Variants in SMARCC1 observed in about 807,000 individuals in gnomAD.
SMARCC1 encodes the protein SWI/SNF complex subunit SMARCC1.
In SMARCC1, 43 loss-of-function variants were observed where a neutral mutation model predicts 147.4. The ratio of observed to expected loss-of-function variants is 0.29; its 90% CI spans 0.23 to 0.38. The LOEUF is 0.38. Ranked by LOEUF, SMARCC1 falls within the 10% of genes least tolerant of loss-of-function variation. The probability of loss-of-function intolerance (pLI) is 1.00; values close to 1 mark genes in which losing one functional copy is unlikely to be tolerated. For synonymous variants in SMARCC1, 495 were observed against 484.4 expected, an observed-to-expected ratio of 1.02 and a Z score of -0.29; for missense variants, 1,119 against 1,381.1, an observed-to-expected ratio of 0.81 and a Z score of 3.01.
chr3:47,710,735 T>G lies in SMARCC1; in HGVS notation c.866A>C (p.Glu289Ala). ...ACGAAAACTCACAGGCTTCCTATTT[T>G]CATCCACCTCATAATCCTCCTCATT... is the stretch of plus-strand genomic sequence containing the variant. ...WMNEEDYEVD[E>A]NRKPVSFRQR... The change falls in exon 9 of 28, where the codon GAA (glutamate) becomes GCA (alanine). Residue 289 changes from glutamate (E) to alanine (A), a missense_variant. Physicochemically the swap from Glu to Ala is moderately radical, Grantham distance 107. This residue lies in a region of SMARCC1 where 542 missense variants were observed against 611.8 expected (regional missense o/e 0.89). Coordinates refer to ENST00000254480, the MANE Select transcript of SMARCC1 (RefSeq NM_003074.4). The G allele has an allele frequency of 6.2e-7, 1 of 1,613,632 alleles. No individual in the cohort carries two copies. Among genetic ancestry groups the G allele is most frequent in the Non-Finnish European group, 8.5e-7 (1 of 1,179,680 alleles).
chr3:47,614,774 C>T (rs2032613903), intron 25 of SMARCC1, among the ~76,000 whole-genome samples: 1 of 152,144 alleles, frequency 6.6e-6, no homozygotes, highest in African/African-American at 2.4e-5. Context: ...CAGAGTGATC[C>T]CTGATAAACT....
chr3:47,781,475 C>A (rs1043048865), intron 1 of SMARCC1, 128 bp downstream of exon 1: 49 of 563,354 alleles, frequency 8.7e-5, no homozygotes, highest in Admixed American at 9.2e-5. Context: ...GCGTGGCGGG[C>A]CCGGCGCCTG....
At chr3:47,648,413 G>C (rs2033145573) in intron 21 of SMARCC1, among the ~76,000 whole-genome samples, 1 of 152,004 alleles carries the variant, frequency 6.6e-6, no homozygotes, top group South Asian at 2.1e-4. Context: ...AAGAGACAGA[G>C]TCTTGTTCTG....
intron 26 of SMARCC1, among the ~76,000 whole-genome samples, chr3:47,599,020 T>C (rs1195586575): frequency 2.6e-5 from 4 of 152,048 alleles, no homozygotes; most frequent in Non-Finnish European, 5.9e-5. Context: ...CTATATACCT[T>C]GGAAGGAGCA....
chr3:47,597,452 G>A (rs1190391178), intron 26 of SMARCC1, among the ~76,000 whole-genome samples: 1 of 151,978 alleles, frequency 6.6e-6, no homozygotes, highest in East Asian at 1.9e-4. Context: ...GCAGCCTCCC[G>A]AGTAGCTAGG....
Position 47,686,052 on chromosome 3 carries a change from T to G in SMARCC1, c.1382A>C (p.Asn461Thr). The G allele has an allele frequency of 6.2e-7, 1 of 1,613,330 alleles. No individual in the cohort carries two copies. Among genetic ancestry groups the G allele is most frequent in the Non-Finnish European group, 8.5e-7 (1 of 1,179,456 alleles). The change falls in exon 14 of 28, where the codon AAC becomes ACC. Residue 461 changes from asparagine (N) to threonine (T), a missense_variant. Transcript: ENST00000254480. ...CAGATGGAAGTGGTCCACTCACCAG[T>G]TATAATCAAACCATGATGCATAACT... ...IPSYASWFDYNCIHVIERRAL... is the reference protein window; with the variant it reads ...IPSYASWFDYTCIHVIERRAL...
At chr3:47,661,478 A>G in intron 20 of SMARCC1, 23 bp from the exon 21 acceptor site, 3 of 1,586,640 alleles carry the variant, frequency 1.9e-6, no homozygotes, top group Non-Finnish European at 2.6e-6. Flanking sequence ...TAAAAATGGA[A>G]CAGCAATCTA....
At chr3:47,699,000 T>C (rs1372999997) in intron 11 of SMARCC1, among the ~76,000 whole-genome samples, 1 of 152,132 alleles carries the variant, frequency 6.6e-6, no homozygotes, top group Non-Finnish European at 1.5e-5. Flanking sequence ...AAAATTAACT[T>C]CAACCCTTAA....
chr3:47,689,087 T>C (rs2033762435), intron 13 of SMARCC1, among the ~76,000 whole-genome samples: 1 of 151,818 alleles, frequency 6.6e-6, no homozygotes, highest in Non-Finnish European at 1.5e-5. Flanking sequence ...TGCACACAAG[T>C]AGTCTCAGCT....
In SMARCC1 at chr3:47,706,459, C is replaced by G; in HGVS notation, c.990G>C (p.Ser330=). The G allele has an allele frequency of 6.3e-7, 1 of 1,578,050 alleles. No homozygotes were observed. The highest frequency in any genetic ancestry group is 1.9e-5 in the Admixed American group (1 of 52,768). ...ANARKRKHSP[S]PPPPTPTESR... is the part of the protein sequence containing the mutation. ...ATTCTGTTGGTGTCGGAGGGGGAGG[C>G]GAAGGCGAATGTTTCCTCTTTCGAG... Residue 330 remains serine, a synonymous_variant, in exon 10 of 28, where the codon TCG becomes TCC. Coordinates refer to ENST00000254480, the MANE Select transcript of SMARCC1 (RefSeq NM_003074.4).
chr3:47,670,813 C>A, intron 18 of SMARCC1, 96 bp from the exon 19 acceptor site: 1 of 786,168 alleles, frequency 1.3e-6, no homozygotes, highest in Non-Finnish European at 2.3e-6. Flanking sequence ...CTGTGTTACG[C>A]AAACTATCAT....
At chr3:47,750,595 A>AT (rs2034618371) in intron 2 of SMARCC1, among the ~76,000 whole-genome samples, 1 of 152,206 alleles carries the variant, frequency 6.6e-6, no homozygotes, top group Non-Finnish European at 1.5e-5. Context: ...GCACTTCAGC[A>AT]TAATAGTGAC....
chr3:47,781,420 CCA>C (rs756056631), intron 1 of SMARCC1, among the ~76,000 whole-genome samples, 181 bp downstream of exon 1: 45 of 152,338 alleles, frequency 3.0e-4, no homozygotes, highest in Admixed American at 8.5e-4. Context: ...GCCCCGAACC[CCA>C]GTCAGGCCCC....
intron 14 of SMARCC1, among the ~76,000 whole-genome samples, chr3:47,683,222 A>G (rs1187203446): frequency 6.6e-6 from 1 of 150,960 alleles, no homozygotes; most frequent in East Asian, 2.0e-4. Context: ...TTTTTTTCGT[A>G]TTTTTAGCAG....
chr3:47,771,979 G>A (rs959889935), intron 2 of SMARCC1, among the ~76,000 whole-genome samples: 1 of 151,896 alleles, frequency 6.6e-6, no homozygotes. Context: ...CTATTCGGGA[G>A]TCTTGAGGCA....
At chr3:47,705,928 C>A (rs2033987489) in intron 10 of SMARCC1, among the ~76,000 whole-genome samples, 1 of 152,090 alleles carries the variant, frequency 6.6e-6, no homozygotes, top group Non-Finnish European at 1.5e-5. Flanking sequence ...AAATCGTAAT[C>A]CTCATTCAAC....
At chr3:47,779,243 G>A (rs2035014262) in intron 1 of SMARCC1, among the ~76,000 whole-genome samples, 3 of 152,020 alleles carry the variant, frequency 2.0e-5, no homozygotes, top group African/African-American at 7.2e-5. Flanking sequence ...AAAAAATAAA[G>A]TAAAATAAAA....
At chr3:47,695,940 G>A (rs6764299) in intron 11 of SMARCC1, among the ~76,000 whole-genome samples, 126,677 of 126,836 alleles carry the variant, frequency 1, 63,259 homozygotes, top group Non-Finnish European at 1. Flanking sequence ...GGTGGTGCAT[G>A]CCTGTAATCC....
At chr3:47,711,399 T>C (rs1034345665) in intron 8 of SMARCC1, among the ~76,000 whole-genome samples, 1 of 152,198 alleles carries the variant, frequency 6.6e-6, no homozygotes, top group African/African-American at 2.4e-5. Flanking sequence ...TACATATAGA[T>C]AGATACTTAA....
Sources: gnomAD v4.1 joint callset for allele counts (sites outside exome capture counted in the v4.1 genomes callset) on GRCh38, gnomAD v4.1.1 for gene constraint, gnomAD v4.1.1 regional missense constraint, MANE v1.5 for transcripts, NCBI Gene and HGNC (gene_info 2026-07-23, HGNC 2026-07-21) for gene names.